PREP: variants seen among roughly 807,000 people sequenced by gnomAD.
PREP encodes prolyl endopeptidase.
Under a neutral mutation model 87.6 loss-of-function variants are expected in PREP, and 29 were observed. That is an observed-to-expected ratio of 0.33 (90% CI 0.25 to 0.45). PREP has a LOEUF of 0.45. Ranked by LOEUF, PREP falls within the 20% of genes least tolerant of loss-of-function variation. PREP has a pLI of 1.00. For missense variants in PREP, 695 were observed against 886.5 expected (o/e 0.78, Z 2.74); for synonymous variants, 337 against 328.6 (o/e 1.03, Z -0.28).
At chr6:105,393,392 C>T (rs562064759) in intron 2 of PREP, among the ~76,000 whole-genome samples, 34 of 151,788 alleles carry the variant, frequency 2.2e-4, no homozygotes, top group Middle Eastern at 3.4e-3. Context: ...AAAACAGGGG[C>T]GGGGCAGGGG....
rs1002708931 is a variant in PREP at position 105,274,387 on chromosome 6, T to C, written c.*3757A>G. Among the ~76,000 whole-genome samples the C allele has an allele frequency of 2.6e-5, 4 of 152,214 alleles. No individual in the cohort carries two copies. The highest frequency in any genetic ancestry group is 7.2e-5 in the African/African-American group (3 of 41,460). Reference sequence around the variant, plus strand: ...ATGACCCATCGCCTCCTGAAGGCCCTGCCTCCTAATTCCATCACTTTGGGA... The same window carrying C: ...ATGACCCATCGCCTCCTGAAGGCCCCGCCTCCTAATTCCATCACTTTGGGA... On this transcript the variant is annotated 3_prime_UTR_variant, in exon 15 of 15. Coordinates refer to ENST00000652536, the MANE Select transcript of PREP (RefSeq NM_002726.5).
intron 10 of PREP, among the ~76,000 whole-genome samples, chr6:105,304,613 A>G (rs777682672): frequency 7.9e-5 from 12 of 152,114 alleles, no homozygotes; most frequent in Non-Finnish European, 1.5e-4. Context: ...CTGTGCATCT[A>G]TTTGCCTCTG....
Position 105,275,664 on chromosome 6 carries a change from C to T in PREP, c.*2480G>A, listed in dbSNP as rs372459167. 2.0e-5 allele frequency among the ~76,000 whole-genome samples: 3 copies of T among 152,240 alleles called. No homozygotes were observed. The highest frequency in any genetic ancestry group is 7.2e-5 in the African/African-American group (3 of 41,556). ...CTACTGCAGCACTATCCACAACAGC[C>T]AAGATAGGGAATCAACCCACGTGCC... On this transcript the variant is annotated 3_prime_UTR_variant, in exon 15 of 15. Transcript: ENST00000652536.
chr6:105,285,616 C>A (rs1364954546), intron 11 of PREP, 36 bp from the exon 12 acceptor site: 10 of 1,553,652 alleles, frequency 6.4e-6, no homozygotes, highest in Admixed American at 1.7e-5. Context: ...CTTCCATTAA[C>A]TGCCTAGTGA....
At chr6:105,303,773 G>T (rs529724064) in intron 10 of PREP, among the ~76,000 whole-genome samples, 1 of 152,142 alleles carries the variant, frequency 6.6e-6, no homozygotes, top group Non-Finnish European at 1.5e-5. Context: ...GTTAGCCAAG[G>T]TTCTGCAGAC....
At chr6:105,330,848 A>G (rs1278875782) in intron 8 of PREP, among the ~76,000 whole-genome samples, 2 of 152,216 alleles carry the variant, frequency 1.3e-5, no homozygotes, top group East Asian at 3.8e-4. Context: ...TTGTTTTCTC[A>G]AGTGAGGACA....
At chr6:105,389,552 A>G (rs981279059) in intron 2 of PREP, among the ~76,000 whole-genome samples, 1 of 152,192 alleles carries the variant, frequency 6.6e-6, no homozygotes, top group Non-Finnish European at 1.5e-5. Context: ...TATACCTGTA[A>G]TTTCTGGGGA....
chr6:105,324,758 G>A (rs1771104599), intron 9 of PREP, among the ~76,000 whole-genome samples: 1 of 152,170 alleles, frequency 6.6e-6, no homozygotes, highest in Non-Finnish European at 1.5e-5. Context: ...CGACTCCTCT[G>A]TGTATGCACT....
At chr6:105,324,811 G>A (rs911230156) in intron 9 of PREP, among the ~76,000 whole-genome samples, 15 of 152,194 alleles carry the variant, frequency 9.9e-5, no homozygotes, top group Admixed American at 7.2e-4. Context: ...CGACCGGAAA[G>A]GAGTAATACA....
chr6:105,282,365 T>C (rs1562185401), intron 13 of PREP, 86 bp downstream of exon 13: 3 of 1,487,530 alleles, frequency 2.0e-6, no homozygotes, highest in African/African-American at 1.4e-5. Context: ...TCCACAAAGT[T>C]AAGTCAAGAG....
intron 10 of PREP, among the ~76,000 whole-genome samples, chr6:105,312,648 T>C (rs1304569539): frequency 6.6e-6 from 1 of 152,208 alleles, no homozygotes; most frequent in Non-Finnish European, 1.5e-5. Context: ...CCATGCTGTA[T>C]TTTCAACTAA....
intron 10 of PREP, chr6:105,323,177 A>G: frequency 8.5e-7 from 1 of 1,177,556 alleles, no homozygotes; most frequent in South Asian, 1.3e-5. Flanking sequence ...GCTTGTGGTG[A>G]CATGACAATT....
Position 105,274,438 on chromosome 6 carries a change from G to A in PREP, c.*3706C>T, listed in dbSNP as rs1365791227. Reference sequence around the variant, plus strand: ...TTTACGATTTCAACATATACATTTCGGGGAGGACATAAACACTCAGACAAC... The same window carrying A: ...TTTACGATTTCAACATATACATTTCAGGGAGGACATAAACACTCAGACAAC... On this transcript the variant is annotated 3_prime_UTR_variant, in exon 15 of 15. Transcript: ENST00000652536. 2.0e-5 allele frequency among the ~76,000 whole-genome samples: 3 copies of A among 152,076 alleles called. No homozygotes were observed. The highest frequency in any genetic ancestry group is 1.9e-4 in the East Asian group (1 of 5,194).
intron 10 of PREP, among the ~76,000 whole-genome samples, chr6:105,320,921 A>C (rs1238043952): frequency 6.6e-6 from 1 of 152,218 alleles, no homozygotes; most frequent in Non-Finnish European, 1.5e-5. Flanking sequence ...CATTGTTGGC[A>C]ACACTGCCAA....
intron 7 of PREP, among the ~76,000 whole-genome samples, chr6:105,352,288 A>G (rs1256056168): frequency 6.6e-6 from 1 of 152,164 alleles, no homozygotes; most frequent in East Asian, 1.9e-4. Context: ...TTTGTGCTTG[A>G]TGATAGTGCT....
intron 10 of PREP, among the ~76,000 whole-genome samples, chr6:105,316,472 T>C (rs1487448838): frequency 6.6e-6 from 1 of 152,180 alleles, no homozygotes; most frequent in Non-Finnish European, 1.5e-5. Context: ...TGAAACATTG[T>C]GAGAATTATC....
In PREP at chr6:105,324,085, T is replaced by C. The variant is rs140279902; in HGVS notation, c.1214-317A>G. ...ATATGAGAAAAGGTGAGAAACCTAA[T>C]TGCAGAAATTTAACTCGTCTTCCCC... On this transcript the variant is annotated intron_variant, in intron 9 of 14. Coordinates refer to ENST00000652536, the MANE Select transcript of PREP (RefSeq NM_002726.5). Among the ~76,000 whole-genome samples, 62 of 152,344 alleles carry C rather than the reference T, an allele frequency of 4.1e-4. No individual in the cohort carries two copies. In the East Asian group the frequency reaches 0.011, roughly 26 times the overall value.
At chr6:105,399,292 G>C (rs1391363561) in intron 1 of PREP, among the ~76,000 whole-genome samples, 2 of 152,116 alleles carry the variant, frequency 1.3e-5, no homozygotes, top group African/African-American at 2.4e-5. Context: ...CAGAAGGTAA[G>C]GGCTATTTCC....
intron 7 of PREP, among the ~76,000 whole-genome samples, chr6:105,349,515 C>A (rs778061233): frequency 1.3e-5 from 2 of 152,046 alleles, no homozygotes; most frequent in African/African-American, 4.8e-5. Flanking sequence ...TCAAAATGCA[C>A]GTGGGCAGGT....
Sources: allele counts gnomAD v4.1 joint callset (sites outside exome capture counted in the v4.1 genomes callset), GRCh38; gene constraint gnomAD v4.1.1; transcripts MANE v1.5; gene names NCBI Gene and HGNC (gene_info 2026-07-23, HGNC 2026-07-21).